Variants in GPAT4 observed in about 807,000 individuals in gnomAD.
GPAT4 encodes glycerol-3-phosphate acyltransferase 4.
In GPAT4, 17 loss-of-function variants were observed where a neutral mutation model predicts 58.0. The ratio of observed to expected loss-of-function variants is 0.29; its 90% CI spans 0.20 to 0.44. The LOEUF (loss-of-function observed/expected upper bound fraction) is 0.44, where lower values mean the gene tolerates loss of function less well. Ranked by LOEUF, GPAT4 falls within the 20% of genes least tolerant of loss-of-function variation. The pLI is 1.00. For missense variants in GPAT4, 377 were observed against 574.5 expected (o/e 0.66, Z 3.51); for synonymous variants, 204 against 210.1 (o/e 0.97, Z 0.25).
intron 2 of GPAT4, among the ~76,000 whole-genome samples, 177 bp downstream of exon 2, chr8:41,599,481 G>T (rs1446970836): frequency 6.6e-6 from 1 of 152,214 alleles, no homozygotes; most frequent in Non-Finnish European, 1.5e-5. Context: ...AGGTACTTGT[G>T]TGTTTGATTT....
At chr8:41,616,141 C>T (rs775759079) in intron 10 of GPAT4, among the ~76,000 whole-genome samples, 23 of 152,186 alleles carry the variant, frequency 1.5e-4, no homozygotes, top group African/African-American at 4.3e-4. Context: ...TCTGGCAAAA[C>T]GAGGACAGGT....
chr8:41,599,411 G>A (rs1258061992), intron 2 of GPAT4, 107 bp downstream of exon 2: 30 of 1,352,338 alleles, frequency 2.2e-5, no homozygotes, highest in Admixed American at 2.4e-5. Flanking sequence ...TAGGGAGAAA[G>A]TTGGGAGAAT....
intron 12 of GPAT4, 91 bp from the exon 13 acceptor site, chr8:41,620,802 T>C: frequency 6.6e-7 from 1 of 1,507,166 alleles, no homozygotes; most frequent in Non-Finnish European, 8.9e-7. Context: ...AGGTTTTTCT[T>C]GGTGTTTGGG....
intron 10 of GPAT4, among the ~76,000 whole-genome samples, chr8:41,615,919 A>T (rs1803583474): frequency 6.6e-6 from 1 of 152,204 alleles, no homozygotes; most frequent in South Asian, 2.1e-4. Context: ...GGTGAGGCCG[A>T]TGCTCACCAG....
chr8:41,610,376 G>C, intron 4 of GPAT4: 2 of 1,228,030 alleles, frequency 1.6e-6, no homozygotes, highest in Non-Finnish European at 2.1e-6. Flanking sequence ...TCCACCTCCT[G>C]TTGCTTCAGA....
At position 41,622,391 on chromosome 8, in the gene GPAT4, T is replaced by G. The variant is rs1585681776; in HGVS notation, c.*1390T>G. On this transcript the variant is annotated 3_prime_UTR_variant, in exon 13 of 13. Transcript: ENST00000396987. ...CCACAGGAAAAGAGTCGGCCACTGG[T>G]GCCTGCTGTACAGTCACAGTGGAGG... The G allele has an allele frequency of 6.6e-6, 1 of 152,416 alleles. No homozygotes were observed. Among genetic ancestry groups the G allele is most frequent in the South Asian group, 2.1e-4 (1 of 4,822 alleles). The allele number at this position is 152,416 out of a possible 1,614,324, so 9.4% of individuals were successfully genotyped here.
rs532460928 is a variant in GPAT4, at chr8:41,616,873, GA to G, written c.1054-1810del. On this transcript the variant is annotated intron_variant, in intron 10 of 12. Transcript: ENST00000396987. ...GTAATCAAACTTGGATAACCTTAGC[GA>G]TTTCAAGGCTCTTCTTATATTTCCA... is the stretch of plus-strand genomic sequence containing the variant. Among the ~76,000 whole-genome samples the G allele has an allele frequency of 3.2e-4, 48 of 152,282 alleles. No homozygotes were observed. In the South Asian group the frequency reaches 9.5e-3, roughly 30 times the overall value.
In GPAT4 at chr8:41,612,166, C is replaced by T; in HGVS notation, c.702-14C>T. On this transcript the variant is annotated splice_polypyrimidine_tract_variant and intron_variant, in intron 6 of 12. Coordinates refer to ENST00000396987, the MANE Select transcript of GPAT4 (RefSeq NM_178819.4). ...ACACTAATTTTGGTTGCTTTGCATA[C>T]ATTTTAAACCCAGGGAAAACAGACC... The T allele has an allele frequency of 2.5e-6, 4 of 1,614,016 alleles. No homozygotes were observed. The highest frequency in any genetic ancestry group is 3.4e-6 in the Non-Finnish European group (4 of 1,179,866).
At chr8:41,616,065 GAACAT>G (rs1170352268) in intron 10 of GPAT4, among the ~76,000 whole-genome samples, 3 of 152,252 alleles carry the variant, frequency 2.0e-5, no homozygotes, top group African/African-American at 7.2e-5. Context: ...CAGGAAAGAG[GAACAT>G]AGTCTGTTAG....
At chr8:41,591,152 G>C (rs1207974669) in intron 1 of GPAT4, among the ~76,000 whole-genome samples, 3 of 152,086 alleles carry the variant, frequency 2.0e-5, no homozygotes, top group Non-Finnish European at 4.4e-5. Flanking sequence ...GTGACTGGGG[G>C]CTGCATGCAC....
rs1386834605 is a variant in GPAT4, at chr8:41,614,782, G to A, written c.968-181G>A. 4.6e-5 allele frequency among the ~76,000 whole-genome samples: 7 copies of A among 152,132 alleles called. No individual in the cohort carries two copies. The South Asian group carries it at 1.0e-3, about 23-fold the overall frequency. ...AAAGTGGTCCTGTAGAAAGAGAATC[G>A]GAGGCACCATCTTGCCTGTCTCTGT... On this transcript the variant is annotated intron_variant, in intron 9 of 12. Coordinates refer to ENST00000396987, the MANE Select transcript of GPAT4 (RefSeq NM_178819.4).
At chr8:41,581,866 C>T in intron 1 of GPAT4, among the ~76,000 whole-genome samples, 1 of 150,050 alleles carries the variant, frequency 6.7e-6, no homozygotes, top group Middle Eastern at 3.2e-3. Flanking sequence ...ATCTCCTGAC[C>T]TCGTGATCCC....
Position 41,598,938 on chromosome 8 carries a change from T to A in GPAT4, c.-202T>A. 5 of 642,732 alleles carry A rather than the reference T, an allele frequency of 7.8e-6. No individual in the cohort carries two copies. The highest frequency in any genetic ancestry group is 4.3e-4 in the Middle Eastern group (1 of 2,306). The allele number at this position is 642,732 out of a possible 1,614,324, so 39.8% of individuals were successfully genotyped here. A position where few individuals can be genotyped will look rare whatever the true frequency, so the allele number is the denominator to read the frequency against. ...TCTGGAGAGACCTGGCGTTTGCAGT[T>A]GCCTCCTGTGGCCGTGTTTTTCTGT... On this transcript the variant is annotated 5_prime_UTR_variant, in exon 2 of 13. Transcript: ENST00000396987.
chr8:41,615,559 A>G (rs909744490), intron 10 of GPAT4, among the ~76,000 whole-genome samples: 7 of 151,874 alleles, frequency 4.6e-5, no homozygotes. Flanking sequence ...GGACCCTGGG[A>G]GTTTATCTAG....
rs1563278434 is a variant in GPAT4 at position 41,612,840 on chromosome 8, C to T, written c.796-5C>T. On this transcript the variant is annotated splice_region_variant and splice_polypyrimidine_tract_variant and intron_variant, in intron 7 of 12. Transcript: ENST00000396987. ...ACTACTAATGAGTCCTGTGCCTGCG[C>T]TTAGGTGGGTCAAGTGCACGGGGGA... The T allele has an allele frequency of 6.2e-7, 1 of 1,613,516 alleles. No individual in the cohort carries two copies. Among genetic ancestry groups the T allele is most frequent in the Non-Finnish European group, 8.5e-7 (1 of 1,179,682 alleles).
At chr8:41,609,562 C>T (rs1803379901) in intron 3 of GPAT4, 77 bp downstream of exon 3, 6 of 1,601,440 alleles carry the variant, frequency 3.7e-6, no homozygotes, top group Non-Finnish European at 5.1e-6. Context: ...GCCACACACG[C>T]TCTTCCCTGC....
At chr8:41,602,074 C>A (rs954295964) in intron 2 of GPAT4, among the ~76,000 whole-genome samples, 2 of 152,220 alleles carry the variant, frequency 1.3e-5, no homozygotes, top group African/African-American at 4.8e-5. Flanking sequence ...CCTGCCTCAG[C>A]CACCCAAGTA....
intron 1 of GPAT4, among the ~76,000 whole-genome samples, chr8:41,580,578 G>T (rs1202153024): frequency 6.6e-6 from 1 of 152,178 alleles, no homozygotes; most frequent in African/African-American, 2.4e-5. Flanking sequence ...GCCTCTCCAA[G>T]GAATGCTGGG....
At chr8:41,592,043 A>G (rs192931949) in intron 1 of GPAT4, among the ~76,000 whole-genome samples, 31 of 152,314 alleles carry the variant, frequency 2.0e-4, no homozygotes, top group Admixed American at 1.8e-3. Flanking sequence ...CTTGTGCCCA[A>G]TTAGCAGGCC....
Sources: gnomAD v4.1 joint callset for allele counts (sites outside exome capture counted in the v4.1 genomes callset) on GRCh38, gnomAD v4.1.1 for gene constraint, MANE v1.5 for transcripts, NCBI Gene and HGNC (gene_info 2026-07-23, HGNC 2026-07-21) for gene names.